The following NCK2 variants were observed in gnomAD, a reference collection of about 807,000 sequenced individuals.
NCK2 encodes the protein NCK adaptor protein 2, also known as cytoplasmic protein NCK2.
A neutral mutation model predicts 33.9 loss-of-function variants in NCK2; 16 were observed. The ratio of observed to expected loss-of-function variants is 0.47; its 90% CI spans 0.32 to 0.72. The LOEUF (loss-of-function observed/expected upper bound fraction) is 0.72. NCK2 is among the 30% of genes least tolerant of loss of function. NCK2 has a pLI of 0.03. For synonymous variants in NCK2, 273 were observed against 239.9 expected, an observed-to-expected ratio of 1.14 and a Z score of -1.27; for missense variants, 418 against 537.3, an observed-to-expected ratio of 0.78 and a Z score of 2.19.
At chr2:105,884,732 C>T (rs1045220990) in intron 4 of NCK2, among the ~76,000 whole-genome samples, 2 of 152,150 alleles carry the variant, frequency 1.3e-5, no homozygotes, top group Non-Finnish European at 2.9e-5. Context: ...AACCAACAAA[C>T]GAACGAACCT....
chr2:105,871,281 C>T (rs565467284), intron 3 of NCK2, among the ~76,000 whole-genome samples: 7 of 151,904 alleles, frequency 4.6e-5, no homozygotes, highest in South Asian at 4.2e-4. Context: ...CCACAGCCTG[C>T]GGGAGACAGG....
chr2:105,830,286 T>A (rs1676118948), intron 2 of NCK2, among the ~76,000 whole-genome samples: 1 of 152,192 alleles, frequency 6.6e-6, no homozygotes, highest in South Asian at 2.1e-4. Context: ...ATGCATCAGC[T>A]TTTGTAGCTC....
intron 2 of NCK2, among the ~76,000 whole-genome samples, chr2:105,820,895 G>C (rs1363445493): frequency 6.6e-6 from 1 of 152,158 alleles, no homozygotes; most frequent in Non-Finnish European, 1.5e-5. Flanking sequence ...TAAACAGGAC[G>C]GGATTTCACA....
At chr2:105,763,795 A>G (rs1689843734) in intron 1 of NCK2, among the ~76,000 whole-genome samples, 1 of 152,232 alleles carries the variant, frequency 6.6e-6, no homozygotes, top group African/African-American at 2.4e-5. Flanking sequence ...GTTTAAAGAA[A>G]TATGCTATAA....
At chr2:105,764,952 A>C (rs1187123704) in intron 1 of NCK2, among the ~76,000 whole-genome samples, 1 of 152,110 alleles carries the variant, frequency 6.6e-6, no homozygotes, top group Non-Finnish European at 1.5e-5. Context: ...TTGGACATCT[A>C]AATTTTTGCT....
chr2:105,744,637 C>T (rs1032821545), upstream of NCK2, among the ~76,000 whole-genome samples: 3 of 151,916 alleles, frequency 2.0e-5, no homozygotes, highest in South Asian at 6.2e-4. Context: ...GCCCGTGCTG[C>T]GCCTCCAGAG....
intron 3 of NCK2, among the ~76,000 whole-genome samples, chr2:105,857,939 T>C (rs1424048820): frequency 6.6e-6 from 1 of 152,224 alleles, no homozygotes; most frequent in African/African-American, 2.4e-5. Flanking sequence ...CTTATAGATG[T>C]GGCGTTGCCA....
intron 1 of NCK2, among the ~76,000 whole-genome samples, chr2:105,791,586 G>A (rs1204988976): frequency 6.6e-6 from 1 of 152,160 alleles, no homozygotes; most frequent in Non-Finnish European, 1.5e-5. Context: ...GAGCACTCTT[G>A]TGTTCATTTA....
intron 2 of NCK2, among the ~76,000 whole-genome samples, chr2:105,840,293 A>G (rs1428400349): frequency 6.6e-6 from 1 of 152,144 alleles, no homozygotes; most frequent in Non-Finnish European, 1.5e-5. Context: ...GGCCTCAGAG[A>G]GGCACCCAGA....
chr2:105,793,565 G>C (rs909879620), intron 1 of NCK2, among the ~76,000 whole-genome samples: 5 of 152,234 alleles, frequency 3.3e-5, no homozygotes, highest in African/African-American at 9.6e-5. Flanking sequence ...AGAGTAAATA[G>C]TTCTGGTTCC....
rs1270399250 is a variant in NCK2 at position 105,779,312 on chromosome 2, A to AT, written c.-201+34174_-201+34175insT. ...ACAGGGCGAGACTCCGTCTCAAAAA[A>AT]AAAAAAAAAAAAGAATCCGTCATAA... On this transcript the variant is annotated intron_variant, in intron 1 of 4. Coordinates refer to ENST00000233154, the MANE Select transcript of NCK2 (RefSeq NM_003581.5). Among the ~76,000 whole-genome samples, 174 of 152,068 alleles carry AT rather than the reference A, an allele frequency of 1.1e-3. 1 individual carries two copies. The highest frequency in any genetic ancestry group is 4.1e-3 in the African/African-American group (169 of 41,512).
rs577023843 is a variant in NCK2 at position 105,888,129 on chromosome 2, G to A, written c.949-4853G>A. 1.9e-3 allele frequency among the ~76,000 whole-genome samples: 286 copies of A among 152,268 alleles called. 1 individual carries two copies. The highest frequency in any genetic ancestry group is 0.01 in the Middle Eastern group (3 of 294). On this transcript the variant is annotated intron_variant, in intron 4 of 4. Coordinates refer to ENST00000233154, the MANE Select transcript of NCK2 (RefSeq NM_003581.5). ...CAAAAATAATGATGATAGAGGCCCC[G>A]AGAGAGGTTGGTTTTCCGCCAACCT...
chr2:105,830,670 GGTGT>G (rs56220635), intron 2 of NCK2, among the ~76,000 whole-genome samples: 29,508 of 98,650 alleles, frequency 0.3, 3,141 homozygotes, highest in Middle Eastern at 0.35. Context: ...CCAGGAATTT[GGTGT>G]GTGTGTGTGT....
chr2:105,844,832 A>T (rs948340352), intron 2 of NCK2, among the ~76,000 whole-genome samples: 2 of 149,616 alleles, frequency 1.3e-5, no homozygotes, highest in Admixed American at 6.7e-5. Flanking sequence ...ATAGATATAT[A>T]TATTTTGAAA....
At chr2:105,823,025 C>G (rs6723057) in intron 2 of NCK2, among the ~76,000 whole-genome samples, 1 of 151,836 alleles carries the variant, frequency 6.6e-6, no homozygotes, top group Non-Finnish European at 1.5e-5. Flanking sequence ...AAACAGGCCA[C>G]ACAGAGCTTG....
intron 1 of NCK2, among the ~76,000 whole-genome samples, chr2:105,751,136 AAG>A (rs1435532014): frequency 6.6e-6 from 1 of 152,156 alleles, no homozygotes; most frequent in Non-Finnish European, 1.5e-5. Context: ...TGAATTATCC[AAG>A]TTCTTAGTGG....
At chr2:105,828,617 T>C (rs1160619905) in intron 2 of NCK2, among the ~76,000 whole-genome samples, 1 of 152,238 alleles carries the variant, frequency 6.6e-6, no homozygotes, top group Non-Finnish European at 1.5e-5. Context: ...CCTATTTTCA[T>C]GAATCTAGAC....
At chr2:105,832,567 G>A (rs1291979780) in intron 2 of NCK2, among the ~76,000 whole-genome samples, 1 of 152,124 alleles carries the variant, frequency 6.6e-6, no homozygotes, top group African/African-American at 2.4e-5. Context: ...TATGGTTTTT[G>A]TTCTTCATTT....
At chr2:105,839,749 T>C (rs887706666) in intron 2 of NCK2, among the ~76,000 whole-genome samples, 1 of 152,142 alleles carries the variant, frequency 6.6e-6, no homozygotes, top group African/African-American at 2.4e-5. Flanking sequence ...GACCAACATT[T>C]GGCAGCAACA....
Sources: gnomAD v4.1 joint callset for allele counts (sites outside exome capture counted in the v4.1 genomes callset) on GRCh38, gnomAD v4.1.1 for gene constraint, MANE v1.5 for transcripts, NCBI Gene and HGNC (gene_info 2026-07-23, HGNC 2026-07-21) for gene names.